The following SYTL4 variants were observed in gnomAD, a reference collection of about 807,000 sequenced individuals.
SYTL4 encodes the protein synaptotagmin like 4, also known as synaptotagmin-like protein 4.
SYTL4 carries 16 observed loss-of-function variants against 52.7 expected under a neutral mutation model. The observed-to-expected ratio is 0.30, with a 90% CI of 0.21 to 0.46. SYTL4 has a LOEUF of 0.46. Ranked by LOEUF, SYTL4 falls within the 20% of genes least tolerant of loss-of-function variation. The probability of loss-of-function intolerance (pLI) is 1.00; values close to 1 mark genes in which losing one functional copy is unlikely to be tolerated. For missense variants in SYTL4, 423 were observed against 519.9 expected (o/e 0.81, Z 1.81); for synonymous variants, 160 against 186.6 (o/e 0.86, Z 1.16).
intron 2 of SYTL4, among the ~76,000 whole-genome samples, chrX:100,724,396 C>T (rs1245956230): frequency 9.6e-6 from 1 of 104,296 alleles, no homozygotes; most frequent in Non-Finnish European, 2.0e-5. Context: ...GAGAACGGGC[C>T]ATGATGACAA....
Position 100,690,641 on chromosome X carries a change from G to C in SYTL4, c.642-3C>G. On this transcript the variant is annotated splice_region_variant and splice_polypyrimidine_tract_variant and intron_variant, in intron 9 of 19. Transcript: ENST00000372989. ...CAGATTTATCCAGAGAGTCTCTCCT[G>C]GAGGTAGATTCAGAAATTATAACTA... 1 of 1,187,287 alleles carries C rather than the reference G, an allele frequency of 8.4e-7. No homozygotes were observed. Among genetic ancestry groups the C allele is most frequent in the Non-Finnish European group, 1.1e-6 (1 of 876,354 alleles).
intron 2 of SYTL4, among the ~76,000 whole-genome samples, chrX:100,723,772 C>G (rs1471261985): frequency 9.2e-6 from 1 of 108,821 alleles, no homozygotes; most frequent in African/African-American, 3.4e-5. Context: ...GCCCGGCAGC[C>G]GCACCGTCTG....
At chrX:100,712,953 C>G (rs1365380067) in intron 2 of SYTL4, among the ~76,000 whole-genome samples, 2 of 112,190 alleles carry the variant, frequency 1.8e-5, no homozygotes, top group African/African-American at 6.5e-5. Flanking sequence ...TCACTACATA[C>G]TTATTAGAAT....
rs971330125 is a variant in SYTL4 at position 100,686,145 on chromosome X, T to C, written c.1294A>G (p.Ile432Val). The C allele has an allele frequency of 2.2e-5, 26 of 1,204,256 alleles. No homozygotes were observed. Among genetic ancestry groups the C allele is most frequent in the Non-Finnish European group, 2.9e-5 (26 of 892,140 alleles). Reference sequence around the variant, plus strand: ...CTCTGGGCCAGGAGAGATTCTGGGATCTCATACTGTGAAGGGAAAGTAAAA... The same window carrying C: ...CTCTGGGCCAGGAGAGATTCTGGGACCTCATACTGTGAAGGGAAAGTAAAA... ...PLYDETLRYE[I>V]PESLLAQRTL... Residue 432 changes from isoleucine (I) to valine (V), a missense_variant, in exon 16 of 20, where the codon ATC (isoleucine) becomes GTC (valine). By Grantham distance (29) the Ile-to-Val change is conservative (BLOSUM62 3). Transcript: ENST00000372989.
chrX:100,723,058 T>A (rs1273924198), intron 2 of SYTL4, among the ~76,000 whole-genome samples: 2 of 110,087 alleles, frequency 1.8e-5, no homozygotes, highest in Non-Finnish European at 3.8e-5. Flanking sequence ...AAAAAAAAAA[T>A]TAAAGAACAT....
chrX:100,699,415 GA>G (rs766404025), intron 8 of SYTL4, among the ~76,000 whole-genome samples: 10 of 73,955 alleles, frequency 1.4e-4, no homozygotes, highest in Admixed American at 2.9e-4. Context: ...GAAAAGAAAA[GA>G]AAAAAAAAGA....
intron 8 of SYTL4, among the ~76,000 whole-genome samples, chrX:100,695,410 T>A (rs780569342): frequency 9.0e-6 from 1 of 111,562 alleles, no homozygotes; most frequent in South Asian, 3.8e-4. Flanking sequence ...AGACAAGAGA[T>A]CACAGACAAC....
intron 19 of SYTL4, among the ~76,000 whole-genome samples, chrX:100,676,765 G>A (rs1291356914): frequency 1.8e-5 from 2 of 111,780 alleles, no homozygotes; most frequent in Admixed American, 9.5e-5. Context: ...GATTACAGGT[G>A]TGAGCCACCG....
intron 9 of SYTL4, 52 bp from the exon 10 acceptor site, chrX:100,690,690 C>T (rs1569387147): frequency 1.0e-6 from 1 of 983,567 alleles, no homozygotes; most frequent in Non-Finnish European, 1.4e-6. Context: ...CCTTCCCCTT[C>T]TACCCAGGGA....
At chrX:100,689,098 C>T (rs960312935) in intron 12 of SYTL4, among the ~76,000 whole-genome samples, 2 of 107,756 alleles carry the variant, frequency 1.9e-5, no homozygotes, top group Non-Finnish European at 1.9e-5. Flanking sequence ...GATGGTCAGG[C>T]GTGATGGCTC....
rs1222246630 is a variant in SYTL4 at position 100,689,962 on chromosome X, G to C, written c.809-3C>G. 2 of 1,189,001 alleles carry C rather than the reference G, an allele frequency of 1.7e-6. No homozygotes were observed. Among genetic ancestry groups the C allele is most frequent in the Non-Finnish European group, 2.3e-6 (2 of 876,729 alleles). On this transcript the variant is annotated splice_polypyrimidine_tract_variant and splice_region_variant and intron_variant, in intron 11 of 19. Transcript: ENST00000372989. ...ATCTATCACAGATTTAGTGTACTCT[G>C]AGGGGAAGACCAAAAAAGCCAAATC...
intron 16 of SYTL4, among the ~76,000 whole-genome samples, chrX:100,682,405 G>GAA (rs796968534): frequency 2.0e-5 from 2 of 102,521 alleles, no homozygotes; most frequent in African/African-American, 7.0e-5. Context: ...GCTTGCAGGG[G>GAA]AAAAAAAAAA....
chrX:100,712,733 A>C (rs904839913), intron 2 of SYTL4, among the ~76,000 whole-genome samples: 6 of 112,552 alleles, frequency 5.3e-5, no homozygotes, highest in African/African-American at 1.6e-4. Flanking sequence ...ATATCTGATA[A>C]GGACTTATAT....
chrX:100,701,715 T>G, intron 5 of SYTL4, 42 bp from the exon 6 acceptor site: 1 of 1,141,977 alleles, frequency 8.8e-7, no homozygotes, highest in Non-Finnish European at 1.2e-6. Context: ...ATTCAGGATA[T>G]GCATAGATTG....
chrX:100,692,203 C>A (rs750236113), intron 8 of SYTL4, among the ~76,000 whole-genome samples: 1 of 111,876 alleles, frequency 8.9e-6, no homozygotes, highest in African/African-American at 3.3e-5. Context: ...TTCCTCTGTG[C>A]TCCCATAGCA....
At chrX:100,699,532 A>T (rs1382238651) in intron 8 of SYTL4, among the ~76,000 whole-genome samples, 2 of 67,073 alleles carry the variant, frequency 3.0e-5, no homozygotes, top group African/African-American at 1.3e-4. Flanking sequence ...CTCTGTTGCC[A>T]GGCTGGAGTG....
chrX:100,700,780 T>C (rs1000015883), intron 8 of SYTL4, 117 bp downstream of exon 8: 3 of 588,153 alleles, frequency 5.1e-6, no homozygotes, highest in Admixed American at 6.0e-5. Flanking sequence ...TTTCTGTACT[T>C]TTCAAGTTTT....
intron 16 of SYTL4, 83 bp downstream of exon 16, chrX:100,685,907 A>C (rs762643434): frequency 8.0e-5 from 78 of 970,894 alleles, no homozygotes; most frequent in Non-Finnish European, 1.0e-4. Flanking sequence ...ACATTCAAAG[A>C]CGCTACCAAC....
chrX:100,681,711 G>A (rs1253699867), intron 16 of SYTL4, among the ~76,000 whole-genome samples: 4 of 111,843 alleles, frequency 3.6e-5, no homozygotes, highest in African/African-American at 1.3e-4. Context: ...GCCAAAAAGT[G>A]GAAACGACCT....
Sources: gnomAD v4.1 joint callset for allele counts (sites outside exome capture counted in the v4.1 genomes callset) on GRCh38, gnomAD v4.1.1 for gene constraint, MANE v1.5 for transcripts, NCBI Gene and HGNC (gene_info 2026-07-23, HGNC 2026-07-21) for gene names.